The following ZNF215 variants were observed in gnomAD, a reference collection of about 807,000 sequenced individuals.
ZNF215 encodes the protein BWSCR2-associated zinc finger protein 2.
Under a neutral mutation model 27.2 loss-of-function variants are expected in ZNF215, and 24 were observed. The ratio of observed to expected loss-of-function variants is 0.88; its 90% CI spans 0.64 to 1.24. The LOEUF (loss-of-function observed/expected upper bound fraction) is 1.24. Among genes scored for constraint, ZNF215 ranks in the 50% most tolerant of loss-of-function variants. ZNF215 has a pLI of 0.00. For missense variants in ZNF215, 675 were observed against 605.7 expected (o/e 1.11, Z -1.20); for synonymous variants, 210 against 204.0 (o/e 1.03, Z -0.25).
intron 5 of ZNF215, among the ~76,000 whole-genome samples, chr11:6,978,547 C>T (rs1470137571): frequency 2.0e-5 from 3 of 152,022 alleles, no homozygotes; most frequent in African/African-American, 7.2e-5. Context: ...TCTAGTTTCA[C>T]TTGAAATGAT....
intron 5 of ZNF215, among the ~76,000 whole-genome samples, chr11:6,965,559 G>T (rs1017788286): frequency 1.3e-5 from 2 of 152,078 alleles, no homozygotes; most frequent in Non-Finnish European, 2.9e-5. Flanking sequence ...TGTAAACATG[G>T]TGTGTCTTAA....
At chr11:6,941,908 A>G (rs139393744) in intron 4 of ZNF215, among the ~76,000 whole-genome samples, 2 of 152,334 alleles carry the variant, frequency 1.3e-5, no homozygotes, top group South Asian at 4.1e-4. Flanking sequence ...CTACTCAGAA[A>G]ATGTTGAGAA....
chr11:6,982,194 C>T (rs907953033), intron 5 of ZNF215, among the ~76,000 whole-genome samples: 10 of 151,866 alleles, frequency 6.6e-5, no homozygotes, highest in African/African-American at 9.7e-5. Flanking sequence ...ATAAATTACC[C>T]GGGGCAGTAT....
chr11:6,956,063 T>G lies in ZNF215; in HGVS notation c.1086T>G (p.Ser362Arg). Reference protein sequence around the residue: ...HSEYEYGNDLSLSTDIRHQKS... With the variant: ...HSEYEYGNDLRLSTDIRHQKS... Reference sequence around the variant, plus strand: ...AATATGAATATGGGAATGACTTGAGTTTGAGTACAGATATTCGACACCAAA... The same window carrying G: ...AATATGAATATGGGAATGACTTGAGGTTGAGTACAGATATTCGACACCAAA... The change falls in exon 7 of 7, where the codon AGT becomes AGG. Residue 362 changes from serine (S) to arginine (R), a missense_variant. Ser to Arg is a moderately radical substitution (Grantham distance 110). Transcript: ENST00000278319. 4 of 1,610,596 alleles carry G rather than the reference T, an allele frequency of 2.5e-6. No homozygotes were observed. Among genetic ancestry groups the G allele is most frequent in the Non-Finnish European group, 3.4e-6 (4 of 1,178,916 alleles).
At chr11:6,984,169 T>C (rs1434909002) in exon 6 of ZNF215, 2 of 384,052 alleles carry the variant, frequency 5.2e-6, no homozygotes, top group Non-Finnish European at 5.1e-6. Context: ...AGTATAATGA[T>C]GCAGTCTCGG....
rs1849300002 is a variant in ZNF215, at chr11:6,932,509, A to G, written c.237A>G (p.Pro79=). Residue 79 remains proline (P), a synonymous_variant, in exon 3 of 7, where the codon CCA becomes CCG. Transcript: ENST00000278319. Reference sequence around the variant, plus strand: ...AGCTCTGTCTTCAATGGCTGAGACCAGAGATTCATACAAAGAAGCAGATTA... The same window carrying G: ...AGCTCTGTCTTCAATGGCTGAGACCGGAGATTCATACAAAGAAGCAGATTA... ...LWELCLQWLR[P]EIHTKKQIIE... The G allele has an allele frequency of 6.2e-7, 1 of 1,614,094 alleles. No homozygotes were observed. The highest frequency in any genetic ancestry group is 8.5e-7 in the Non-Finnish European group (1 of 1,180,036).
chr11:6,936,898 A>C (rs1849455675), intron 3 of ZNF215, among the ~76,000 whole-genome samples: 1 of 151,918 alleles, frequency 6.6e-6, no homozygotes, highest in Non-Finnish European at 1.5e-5. Context: ...ACCAAAAAAA[A>C]AAAAAGGACT....
At position 6,956,201 on chromosome 11, in the gene ZNF215, A is replaced by G; in HGVS notation, c.1224A>G (p.Lys408=). 1 of 1,613,152 alleles carries G rather than the reference A, an allele frequency of 6.2e-7. No homozygotes were observed. ...QIIHTGEKPY[K]CSECGRFFNR... is the part of the protein sequence containing the mutation. ...TTCACACAGGAGAGAAACCCTATAA[A>G]TGCAGTGAATGTGGGAGATTCTTCA... is the stretch of plus-strand genomic sequence containing the variant. Residue 408 remains lysine (K), a synonymous_variant, in exon 7 of 7, where the codon AAA becomes AAG. Transcript: ENST00000278319.
At position 6,943,539 on chromosome 11, in the gene ZNF215, TGAACA is replaced by T; in HGVS notation, c.617-5_617-1del. 1 of 1,610,548 alleles carries T rather than the reference TGAACA, an allele frequency of 6.2e-7. No homozygotes were observed. The highest frequency in any genetic ancestry group is 8.5e-7 in the Non-Finnish European group (1 of 1,177,874). Reference sequence around the variant, plus strand: ...GTTGTTGTTCTTTTTATTTTCTCCATGAACAGCACATCTACTTTCCAAACCATTTG... The same window carrying T: ...GTTGTTGTTCTTTTTATTTTCTCCATGCACATCTACTTTCCAAACCATTTG... On this transcript the variant is annotated splice_acceptor_variant and splice_polypyrimidine_tract_variant and intron_variant, in intron 5 of 6. Transcript: ENST00000278319. LOFTEE classifies it high-confidence loss of function.
Position 6,956,172 on chromosome 11 carries a change from A to G in ZNF215, c.1195A>G (p.Ile399Val), listed in dbSNP as rs1252937345. 2 of 1,613,762 alleles carry G rather than the reference A, an allele frequency of 1.2e-6. No individual in the cohort carries two copies. The highest frequency in any genetic ancestry group is 1.7e-6 in the Non-Finnish European group (2 of 1,179,964). Residue 399 changes from isoleucine to valine, a missense_variant, in exon 7 of 7, where the codon ATC (isoleucine) becomes GTC (valine). By Grantham distance (29) the Ile-to-Val change is conservative. Coordinates refer to ENST00000278319, the MANE Select transcript of ZNF215 (RefSeq NM_013250.4). ...CRSSSLIRHQIIHTGEKPYKC... is the reference protein window; with the variant it reads ...CRSSSLIRHQVIHTGEKPYKC... Reference sequence around the variant, plus strand: ...AAGTTCATCCCTTATTCGACATCAGATCATTCACACAGGAGAGAAACCCTA... The same window carrying G: ...AAGTTCATCCCTTATTCGACATCAGGTCATTCACACAGGAGAGAAACCCTA...
At chr11:6,961,543 CA>C (rs1215497965), downstream of ZNF215, among the ~76,000 whole-genome samples, 3 of 152,148 alleles carry the variant, frequency 2.0e-5, no homozygotes, top group African/African-American at 4.8e-5. Flanking sequence ...CTCTTACCTT[CA>C]CTGTCACCAG....
intron 3 of ZNF215, 79 bp from the exon 4 acceptor site, chr11:6,941,492 A>T (rs1849629382): frequency 8.1e-7 from 1 of 1,231,994 alleles, no homozygotes; most frequent in Non-Finnish European, 1.1e-6. Flanking sequence ...TGTGAATATC[A>T]TATTAAAACA....
chr11:6,984,340 C>T (rs1022695875), exon 6 of ZNF215: 18 of 199,208 alleles, frequency 9.0e-5, no homozygotes, highest in Non-Finnish European at 1.7e-4. Flanking sequence ...AACTCCTGAC[C>T]TCAAGTGATC....
intron 5 of ZNF215, among the ~76,000 whole-genome samples, chr11:6,972,345 G>A (rs1417192240): frequency 6.6e-6 from 1 of 151,076 alleles, no homozygotes; most frequent in Non-Finnish European, 1.5e-5. Context: ...AAAAACAGGT[G>A]ACAGGCCAAA....
At chr11:6,954,673 C>T (rs1164131644) in intron 6 of ZNF215, among the ~76,000 whole-genome samples, 2 of 152,214 alleles carry the variant, frequency 1.3e-5, no homozygotes, top group South Asian at 4.1e-4. Flanking sequence ...AACTCCCTGA[C>T]CCCTTGCGCT....
chr11:6,987,151 A>T (rs908484971), downstream of ZNF215, among the ~76,000 whole-genome samples: 2 of 152,240 alleles, frequency 1.3e-5, no homozygotes, highest in African/African-American at 4.8e-5. Flanking sequence ...GATTGCGTAA[A>T]GAAAATGTGG....
chr11:6,940,701 C>T (rs189419863), intron 3 of ZNF215, among the ~76,000 whole-genome samples: 11 of 152,140 alleles, frequency 7.2e-5, no homozygotes, highest in African/African-American at 2.7e-4. Context: ...TATGATGTAA[C>T]TGCATGGTTT....
In ZNF215 at chr11:6,956,500, A is replaced by C. The variant is rs779643110; in HGVS notation, c.1523A>C (p.His508Pro). 3.7e-6 allele frequency: 6 copies of C among 1,601,932 alleles called. No individual in the cohort carries two copies. In the Admixed American group the frequency reaches 7.0e-5, roughly 19 times the overall value. The change falls in exon 7 of 7, where the codon CAT becomes CCT. Residue 508 changes from histidine to proline, a missense_variant. Physicochemically the swap from His to Pro is moderately conservative, Grantham distance 77 (BLOSUM62 -2). Transcript: ENST00000278319. ...AFNRSSNLVK[H>P]QKLHTRDKS ...AACAGGAGTTCAAACCTTGTTAAAC[A>C]TCAAAAACTGCATACTCGAGATAAG... is the stretch of plus-strand genomic sequence containing the variant.
downstream of ZNF215, chr11:6,988,371 A>T: frequency 3.6e-6 from 2 of 553,248 alleles, no homozygotes; most frequent in Non-Finnish European, 4.6e-6. Flanking sequence ...ACATCAGAAA[A>T]GGGCTCTGTG....
Sources: allele counts gnomAD v4.1 joint callset (sites outside exome capture counted in the v4.1 genomes callset), GRCh38; gene constraint gnomAD v4.1.1; transcripts MANE v1.5; gene names NCBI Gene and HGNC (gene_info 2026-07-23, HGNC 2026-07-21).